The following PXDNL variants were observed in gnomAD, a reference collection of about 807,000 sequenced individuals.
PXDNL encodes the protein peroxidasin like, also known as probable oxidoreductase PXDNL.
A neutral mutation model predicts 150.8 loss-of-function variants in PXDNL; 145 were observed. The ratio of observed to expected loss-of-function variants is 0.96; its 90% CI spans 0.84 to 1.10. The LOEUF is 1.10. Ranked by LOEUF, PXDNL falls within the 50% of genes least tolerant of loss-of-function variation. The pLI is 0.00. For synonymous variants in PXDNL, 757 were observed against 725.7 expected (o/e 1.04, Z -0.69); for missense variants, 2,087 against 1,873.9 (o/e 1.11, Z -2.10).
At chr8:51,423,841 T>G in intron 13 of PXDNL, 110 bp from the exon 14 acceptor site, 1 of 985,176 alleles carries the variant, frequency 1.0e-6, no homozygotes, top group Non-Finnish European at 1.4e-6. Flanking sequence ...ATTGCACGTT[T>G]GCTGTGTGTC....
intron 19 of PXDNL, among the ~76,000 whole-genome samples, chr8:51,371,057 C>T (rs997814649): frequency 6.6e-6 from 1 of 152,212 alleles, no homozygotes; most frequent in Non-Finnish European, 1.5e-5. Context: ...CTATGGTGGC[C>T]CTTGTGTCAT....
intron 1 of PXDNL, among the ~76,000 whole-genome samples, chr8:51,735,346 A>T (rs939316236): frequency 6.6e-6 from 1 of 151,440 alleles, no homozygotes; most frequent in Admixed American, 6.6e-5. Flanking sequence ...TTAGCTGGGC[A>T]TGGTGGTGCG....
intron 4 of PXDNL, among the ~76,000 whole-genome samples, chr8:51,517,231 C>A (rs1811561366): frequency 6.6e-6 from 1 of 151,914 alleles, no homozygotes; most frequent in Non-Finnish European, 1.5e-5. Flanking sequence ...GATACCCAGG[C>A]AGTGTTATTT....
intron 8 of PXDNL, among the ~76,000 whole-genome samples, chr8:51,469,428 C>T (rs553159626): frequency 6.6e-6 from 1 of 152,084 alleles, no homozygotes; most frequent in East Asian, 1.9e-4. Flanking sequence ...TCATTCTTTC[C>T]TACCTGTCTT....
chr8:51,586,445 T>A (rs1338018325), intron 3 of PXDNL, among the ~76,000 whole-genome samples: 1 of 152,156 alleles, frequency 6.6e-6, no homozygotes. Flanking sequence ...AATTCTGCAG[T>A]GGTTTGTTTC....
intron 3 of PXDNL, 27 bp from the exon 4 acceptor site, chr8:51,556,938 A>G: frequency 7.6e-7 from 1 of 1,324,276 alleles, no homozygotes; most frequent in African/African-American, 1.5e-5. Flanking sequence ...ATGTCATTAA[A>G]TTATAAATTA....
intron 4 of PXDNL, among the ~76,000 whole-genome samples, chr8:51,549,698 T>G (rs1812440726): frequency 6.6e-6 from 1 of 151,724 alleles, no homozygotes; most frequent in Non-Finnish European, 1.5e-5. Flanking sequence ...AAGAGGAAAG[T>G]TCATAGCATT....
intron 1 of PXDNL, among the ~76,000 whole-genome samples, chr8:51,760,709 C>G (rs113692977): frequency 6.6e-6 from 1 of 152,134 alleles, no homozygotes; most frequent in African/African-American, 2.4e-5. Flanking sequence ...CATAATCATG[C>G]GTGCACATTG....
rs1204680602 is a variant in PXDNL, at chr8:51,475,045, C to T, written c.621G>A (p.Ala207=). The stretch of plus-strand genomic sequence containing the variant: ...GTCTCCTGGGATATTCGCAGGTAGC[C>T]GCAGCCTGGGTGTGGCCGTGTTGGG... ...GFAQHGHTQA[A]ATCEYPRRLH... The change falls in exon 7 of 23, where the codon GCG becomes GCA. Residue 207 remains alanine, a synonymous_variant. Transcript: ENST00000356297. 1.3e-5 allele frequency: 21 copies of T among 1,613,222 alleles called. No individual in the cohort carries two copies. The highest frequency in any genetic ancestry group is 2.7e-5 in the African/African-American group (2 of 74,902).
intron 1 of PXDNL, among the ~76,000 whole-genome samples, chr8:51,807,082 A>G (rs961161853): frequency 1.3e-5 from 2 of 152,222 alleles, no homozygotes; most frequent in African/African-American, 4.8e-5. Flanking sequence ...CAAGATAACC[A>G]ATAGGGTGAA....
chr8:51,533,177 G>T (rs1811942879), intron 4 of PXDNL, among the ~76,000 whole-genome samples: 1 of 152,092 alleles, frequency 6.6e-6, no homozygotes, highest in Non-Finnish European at 1.5e-5. Flanking sequence ...TTGAGGCAGA[G>T]TCTTGCCCTG....
chr8:51,718,991 G>A (rs147081278), intron 1 of PXDNL, among the ~76,000 whole-genome samples: 8,069 of 151,286 alleles, frequency 0.053, 232 homozygotes, highest in African/African-American at 0.082. Context: ...GGAGGGAGGC[G>A]GGGGGCAGCC....
chr8:51,559,330 A>AT (rs1812664794), intron 3 of PXDNL, among the ~76,000 whole-genome samples: 1 of 98,066 alleles, frequency 1.0e-5, no homozygotes, highest in Non-Finnish European at 2.4e-5. Context: ...TTTCTTCCAA[A>AT]CCCCCCCCCC....
intron 1 of PXDNL, among the ~76,000 whole-genome samples, chr8:51,764,793 G>A (rs1042616158): frequency 6.6e-6 from 1 of 152,148 alleles, no homozygotes. Context: ...TAGCTGAATG[G>A]TGCATTACAT....
At chr8:51,607,578 T>C (rs1044953691) in intron 2 of PXDNL, among the ~76,000 whole-genome samples, 5 of 151,852 alleles carry the variant, frequency 3.3e-5, no homozygotes, top group East Asian at 1.9e-4. Context: ...CAGTGGCTCA[T>C]GCCTGTAATC....
At chr8:51,735,568 A>G (rs1817021208) in intron 1 of PXDNL, among the ~76,000 whole-genome samples, 1 of 26,394 alleles carries the variant, frequency 3.8e-5, no homozygotes, top group Non-Finnish European at 1.0e-4. Context: ...TTTTTTTGAG[A>G]CGGAGTCTCG....
rs144946142 is a variant in PXDNL at position 51,459,704 on chromosome 8, T to G, written c.813-2037A>C. 4.1e-3 allele frequency among the ~76,000 whole-genome samples: 624 copies of G among 152,310 alleles called. 2 individuals carry two copies. The highest frequency in any genetic ancestry group is 0.014 in the African/African-American group (590 of 41,562). On this transcript the variant is annotated intron_variant, in intron 8 of 22. Coordinates refer to ENST00000356297, the MANE Select transcript of PXDNL (RefSeq NM_144651.5). Reference sequence around the variant, plus strand: ...CATGTTTCAATATATTCCATTCACATTGTCAGTTTGATGCAAATAGCAATC... The same window carrying G: ...CATGTTTCAATATATTCCATTCACAGTGTCAGTTTGATGCAAATAGCAATC...
chr8:51,778,585 ATAT>A (rs1247818160), intron 1 of PXDNL, among the ~76,000 whole-genome samples: 1 of 152,064 alleles, frequency 6.6e-6, no homozygotes, highest in Non-Finnish European at 1.5e-5. Flanking sequence ...TTCCAGTGAG[ATAT>A]TATTATTATT....
At chr8:51,602,144 T>C (rs78916372) in intron 2 of PXDNL, among the ~76,000 whole-genome samples, 1 of 151,998 alleles carries the variant, frequency 6.6e-6, no homozygotes, top group Non-Finnish European at 1.5e-5. Flanking sequence ...GACAGTCTGG[T>C]GACTATACGC....
Sources: allele counts gnomAD v4.1 joint callset (sites outside exome capture counted in the v4.1 genomes callset), GRCh38; gene constraint gnomAD v4.1.1; transcripts MANE v1.5; gene names NCBI Gene and HGNC (gene_info 2026-07-23, HGNC 2026-07-21).